Variants in PCMT1 observed in about 807,000 individuals in gnomAD.
PCMT1 encodes protein-L-isoaspartate(D-aspartate) O-methyltransferase.
In PCMT1, 9 loss-of-function variants were observed where a neutral mutation model predicts 29.2. The ratio of observed to expected loss-of-function variants is 0.31; its 90% CI spans 0.19 to 0.54. The LOEUF is 0.54. PCMT1 is among the 20% of genes least tolerant of loss of function. PCMT1 has a pLI of 0.95. For missense variants in PCMT1, 184 were observed against 282.2 expected (o/e 0.65, Z 2.49); for synonymous variants, 98 against 97.5 (o/e 1.00, Z -0.03).
chr6:149,776,790 A>G lies in PCMT1; in HGVS notation c.192+3621A>G, dbSNP rs535246530. Among the ~76,000 whole-genome samples the G allele has an allele frequency of 3.3e-5, 5 of 152,324 alleles. No individual in the cohort carries two copies. The South Asian group carries it at 6.2e-4, about 19-fold the overall frequency. On this transcript the variant is annotated intron_variant, in intron 3 of 7. Coordinates refer to ENST00000464889, the MANE Select transcript of PCMT1 (RefSeq NM_001360452.2). ...GTTTTCACCTATCAGATTGTTAGAG[A>G]TTAAAAAATTTGATACTTTGTATTG...
intron 1 of PCMT1, among the ~76,000 whole-genome samples, chr6:149,768,792 A>G (rs1376234240): frequency 4.0e-5 from 6 of 151,740 alleles, no homozygotes; most frequent in Non-Finnish European, 7.4e-5. Context: ...ACGCCCAGCT[A>G]ATTTTTGTAT....
At chr6:149,785,708 G>T (rs935680617) in intron 3 of PCMT1, among the ~76,000 whole-genome samples, 11 of 151,848 alleles carry the variant, frequency 7.2e-5, no homozygotes, top group Non-Finnish European at 1.6e-4. Flanking sequence ...TTGTTTCAGA[G>T]AGCACAGGGT....
intron 1 of PCMT1, among the ~76,000 whole-genome samples, chr6:149,755,900 T>C (rs1342721439): frequency 6.6e-6 from 1 of 151,944 alleles, no homozygotes; most frequent in African/African-American, 2.4e-5. Context: ...CAGTAAGGTA[T>C]CATTAGACCA....
chr6:149,771,092 G>C (rs1427605975), intron 1 of PCMT1, 70 bp from the exon 2 acceptor site: 16 of 887,174 alleles, frequency 1.8e-5, no homozygotes, highest in Non-Finnish European at 2.8e-5. Context: ...TAGCACAGCT[G>C]GTGTAATTAT....
intron 7 of PCMT1, among the ~76,000 whole-genome samples, chr6:149,805,465 G>A (rs546097366): frequency 6.6e-6 from 1 of 151,684 alleles, no homozygotes. Context: ...GTGGTGGCAG[G>A]TACCTCTAGT....
At chr6:149,758,208 C>CTTTTTTTTTTTTTTTT (rs756014067) in intron 1 of PCMT1, among the ~76,000 whole-genome samples, 75 of 73,840 alleles carry the variant, frequency 1.0e-3, no homozygotes, top group Non-Finnish European at 1.4e-3. Context: ...TTCTTTCTTT[C>CTTTTTTTTTTTTTTTT]TTTTTTTTTT....
At chr6:149,798,587 C>T (rs913290100) in intron 6 of PCMT1, among the ~76,000 whole-genome samples, 7 of 152,116 alleles carry the variant, frequency 4.6e-5, no homozygotes, top group Admixed American at 3.3e-4. Flanking sequence ...TTGGATATCA[C>T]CCCAAGATAA....
At chr6:149,765,636 G>A (rs971299429) in intron 1 of PCMT1, 32 of 366,180 alleles carry the variant, frequency 8.7e-5, no homozygotes, top group Non-Finnish European at 1.4e-4. Context: ...TTATAGTGTC[G>A]TTAATTGACC....
At position 149,793,653 on chromosome 6, in the gene PCMT1, G is replaced by A; in HGVS notation, c.402G>A (p.Gly134=). The change falls in exon 5 of 8, where the codon GGG becomes GGA. Residue 134 remains glycine (G), a synonymous_variant. Transcript: ENST00000464889. ...RKDDPTLLSS[G]RVQLVVGDGR... Reference sequence around the variant, plus strand: ...ACGATCCAACACTTCTGTCTTCAGGGAGAGTACAGCTTGTTGGTAAGTATC... The same window carrying A: ...ACGATCCAACACTTCTGTCTTCAGGAAGAGTACAGCTTGTTGGTAAGTATC... 1.3e-6 allele frequency: 2 copies of A among 1,551,958 alleles called. No individual in the cohort carries two copies. Among genetic ancestry groups the A allele is most frequent in the Non-Finnish European group, 1.7e-6 (2 of 1,161,558 alleles).
At chr6:149,803,136 G>A (rs1775897897) in intron 7 of PCMT1, among the ~76,000 whole-genome samples, 1 of 151,400 alleles carries the variant, frequency 6.6e-6, no homozygotes, top group Non-Finnish European at 1.5e-5. Flanking sequence ...AGAAAGAAGG[G>A]GAAAGATAAC....
chr6:149,749,727 G>A (rs1266781281), upstream of PCMT1: 1 of 1,542,714 alleles, frequency 6.5e-7, no homozygotes, highest in Non-Finnish European at 8.7e-7. Context: ...TGCCGCGGGG[G>A]ATGCCGGGAG....
At chr6:149,796,195 C>T (rs560003426) in intron 5 of PCMT1, 374 of 380,666 alleles carry the variant, frequency 9.8e-4, no homozygotes, top group Non-Finnish European at 1.6e-3. Context: ...TTGTTAACTC[C>T]AGTTTTTCAT....
At chr6:149,785,797 A>G (rs1374412756) in intron 3 of PCMT1, among the ~76,000 whole-genome samples, 2 of 152,236 alleles carry the variant, frequency 1.3e-5, no homozygotes, top group African/African-American at 2.4e-5. Flanking sequence ...AAAGTCTCCC[A>G]TGTCTACTTC....
chr6:149,756,999 A>G (rs1401554768), intron 1 of PCMT1, among the ~76,000 whole-genome samples: 2 of 152,020 alleles, frequency 1.3e-5, no homozygotes, highest in Non-Finnish European at 2.9e-5. Flanking sequence ...TACTAAAAAT[A>G]CAAAAATTAG....
At chr6:149,789,143 C>A (rs1334370564) in intron 3 of PCMT1, among the ~76,000 whole-genome samples, 1 of 138,392 alleles carries the variant, frequency 7.2e-6, no homozygotes, top group African/African-American at 2.8e-5. Flanking sequence ...GTGGCATGAT[C>A]TCGGATCACT....
chr6:149,783,596 G>A (rs1347446609), intron 3 of PCMT1, among the ~76,000 whole-genome samples: 1 of 152,160 alleles, frequency 6.6e-6, no homozygotes, highest in Non-Finnish European at 1.5e-5. Flanking sequence ...CAAGACTTGC[G>A]TGTGTTCTTG....
Position 149,749,881 on chromosome 6 carries a change from C to G in PCMT1, c.-21C>G, listed in dbSNP as rs549081988. 7.5e-6 allele frequency: 12 copies of G among 1,605,670 alleles called. No homozygotes were observed. In the Admixed American group the frequency reaches 1.7e-4, roughly 23 times the overall value. ...CGTCGCGCTGAAGGTGGTTCTGTAC[C>G]TGCTCCGAGTGTGCTTAGCGATGGC... On this transcript the variant is annotated 5_prime_UTR_variant, in exon 1 of 8. Coordinates refer to ENST00000464889, the MANE Select transcript of PCMT1 (RefSeq NM_001360452.2).
At chr6:149,806,812 G>A (rs560178043) in intron 7 of PCMT1, among the ~76,000 whole-genome samples, 223 of 151,974 alleles carry the variant, frequency 1.5e-3, no homozygotes, top group African/African-American at 5.1e-3. Context: ...GGCTGGTCTC[G>A]GACTCCTGAG....
intron 7 of PCMT1, among the ~76,000 whole-genome samples, chr6:149,804,702 A>G (rs1775956144): frequency 6.6e-6 from 1 of 151,982 alleles, no homozygotes; most frequent in Non-Finnish European, 1.5e-5. Flanking sequence ...GGGTTTCACC[A>G]TGTTGGCCAG....
Sources: allele counts gnomAD v4.1 joint callset (sites outside exome capture counted in the v4.1 genomes callset), GRCh38; gene constraint gnomAD v4.1.1; transcripts MANE v1.5; gene names NCBI Gene and HGNC (gene_info 2026-07-23, HGNC 2026-07-21).